Variants in NRXN1 observed in about 807,000 individuals in gnomAD.
NRXN1 encodes the protein neurexin-1.
In NRXN1, 39 loss-of-function variants were observed where a neutral mutation model predicts 150.9. The ratio of observed to expected loss-of-function variants is 0.26; its 90% CI spans 0.20 to 0.34. The LOEUF is 0.34. NRXN1 is among the 10% of genes least tolerant of loss of function. NRXN1 has a pLI of 1.00. For synonymous variants in NRXN1, 924 were observed against 757.0 expected (o/e 1.22, Z -3.62); for missense variants, 1,815 against 1,949.9 (o/e 0.93, Z 1.30).
At chr2:50,910,013 AT>A (rs149644517) in intron 5 of NRXN1, among the ~76,000 whole-genome samples, 33 of 150,078 alleles carry the variant, frequency 2.2e-4, no homozygotes, top group Admixed American at 9.3e-4. Context: ...AGCCTCAGCT[AT>A]TTTTTTTTTC....
chr2:50,974,979 A>G (rs574686036), intron 2 of NRXN1, among the ~76,000 whole-genome samples: 108 of 152,076 alleles, frequency 7.1e-4, no homozygotes, highest in African/African-American at 2.5e-3. Flanking sequence ...TAATTTTATG[A>G]TCCTCTAAAA....
chr2:50,067,183 A>T (rs1188562051), intron 19 of NRXN1, among the ~76,000 whole-genome samples: 1 of 152,218 alleles, frequency 6.6e-6, no homozygotes, highest in Non-Finnish European at 1.5e-5. Context: ...TGCAGAGTTC[A>T]ATGGTGCTTT....
At chr2:50,563,687 G>A (rs941479260) in intron 8 of NRXN1, among the ~76,000 whole-genome samples, 2 of 152,170 alleles carry the variant, frequency 1.3e-5, no homozygotes, top group African/African-American at 2.4e-5. Context: ...TGCCTCCAGA[G>A]CCTGAAATGG....
intron 19 of NRXN1, among the ~76,000 whole-genome samples, chr2:50,080,836 A>G (rs1037716612): frequency 4.6e-5 from 7 of 152,156 alleles, no homozygotes; most frequent in Non-Finnish European, 8.8e-5. Flanking sequence ...GCAGGTTAGT[A>G]AAGGGCAGCC....
At chr2:49,941,990 T>A (rs1439466611) in intron 22 of NRXN1, among the ~76,000 whole-genome samples, 1 of 152,100 alleles carries the variant, frequency 6.6e-6, no homozygotes, top group East Asian at 1.9e-4. Flanking sequence ...AGCAATGACT[T>A]TTTTTGTTGT....
intron 17 of NRXN1, among the ~76,000 whole-genome samples, chr2:50,388,012 T>A (rs2081434868): frequency 6.6e-6 from 1 of 152,174 alleles, no homozygotes. Context: ...TTGAAGGAGC[T>A]AAACACAAGA....
intron 5 of NRXN1, among the ~76,000 whole-genome samples, chr2:50,904,201 G>A (rs1280735158): frequency 6.6e-6 from 1 of 152,060 alleles, no homozygotes; most frequent in Non-Finnish European, 1.5e-5. Context: ...ACAGCAATTT[G>A]ACTGAAATAC....
chr2:50,193,596 G>C (rs2061576786), intron 18 of NRXN1, among the ~76,000 whole-genome samples: 5 of 151,988 alleles, frequency 3.3e-5, no homozygotes. Context: ...TTGTTAAATT[G>C]CCCTGAGTAA....
rs1201123997 is a variant in NRXN1, at chr2:49,919,907, G to T, written c.*2037C>A. 6.6e-6 allele frequency: 1 copy of T among 151,910 alleles called. No homozygotes were observed. The highest frequency in any genetic ancestry group is 1.5e-5 in the Non-Finnish European group (1 of 67,936). 9.4% of individuals were successfully genotyped at this position (151,910 alleles called of 1,614,324 possible). On this transcript the variant is annotated 3_prime_UTR_variant, in exon 23 of 23. Transcript: ENST00000401669. The stretch of plus-strand genomic sequence containing the variant: ...CTTGGCTTTTTTTTCATCAACTAAA[G>T]TATCACAAAAGATGTTTTGCATTTT...
chr2:50,107,770 A>C (rs1701878193), intron 18 of NRXN1, among the ~76,000 whole-genome samples: 1 of 151,862 alleles, frequency 6.6e-6, no homozygotes, highest in South Asian at 2.1e-4. Flanking sequence ...GTTGATAGTA[A>C]TACTAATAAG....
chr2:50,544,791 T>C (rs977029879), intron 9 of NRXN1, among the ~76,000 whole-genome samples: 11 of 152,114 alleles, frequency 7.2e-5, no homozygotes, highest in Admixed American at 2.6e-4. Context: ...ATTTCATGTA[T>C]GAAGGAATTA....
At chr2:50,915,346 C>T (rs1685067372) in intron 5 of NRXN1, among the ~76,000 whole-genome samples, 1 of 151,520 alleles carries the variant, frequency 6.6e-6, no homozygotes, top group South Asian at 2.1e-4. Context: ...AGTTTCATCT[C>T]ATTGGTACCT....
At chr2:50,613,983 T>C (rs1678616056) in intron 8 of NRXN1, among the ~76,000 whole-genome samples, 1 of 152,118 alleles carries the variant, frequency 6.6e-6, no homozygotes. Context: ...TATAATGATA[T>C]GGTAAGTAAA....
intron 5 of NRXN1, among the ~76,000 whole-genome samples, chr2:50,774,456 A>T (rs1703369794): frequency 6.6e-6 from 1 of 152,174 alleles, no homozygotes; most frequent in South Asian, 2.1e-4. Context: ...TGTATATGAC[A>T]CAGTAAAAAT....
chr2:50,638,148 T>G (rs1306783430), intron 5 of NRXN1, among the ~76,000 whole-genome samples: 2 of 152,138 alleles, frequency 1.3e-5, no homozygotes, highest in African/African-American at 4.8e-5. Context: ...CTAGATCAGT[T>G]GACTCAAAAC....
At chr2:50,076,748 A>G (rs1697169616) in intron 19 of NRXN1, among the ~76,000 whole-genome samples, 1 of 152,260 alleles carries the variant, frequency 6.6e-6, no homozygotes, top group Non-Finnish European at 1.5e-5. Flanking sequence ...TAGACTTGGC[A>G]CTCACTTCTC....
In NRXN1 at chr2:50,930,105, A is replaced by G. The variant is rs1365290187; in HGVS notation, c.773-4150T>C. ...ACAGAGGACATCACCTCCTTTTTCA[A>G]TCCCAGCTAAATAATATTGCAGGAC... On this transcript the variant is annotated intron_variant, in intron 2 of 22. Coordinates refer to ENST00000401669, the MANE Select transcript of NRXN1 (RefSeq NM_001330078.2). 2.0e-5 allele frequency among the ~76,000 whole-genome samples: 3 copies of G among 152,070 alleles called. No homozygotes were observed. The East Asian group carries it at 5.8e-4, about 29-fold the overall frequency.
At chr2:49,952,098 T>C (rs2104462707) in intron 21 of NRXN1, among the ~76,000 whole-genome samples, 1 of 152,136 alleles carries the variant, frequency 6.6e-6, no homozygotes, top group South Asian at 2.1e-4. Flanking sequence ...GTTATAATGC[T>C]AGTTAATGGC....
intron 17 of NRXN1, among the ~76,000 whole-genome samples, chr2:50,299,058 G>A (rs2073907739): frequency 6.6e-6 from 1 of 152,090 alleles, no homozygotes; most frequent in Admixed American, 6.6e-5. Context: ...TGACCCCTGA[G>A]GTAGCACTTT....
Sources: gnomAD v4.1 joint callset for allele counts (sites outside exome capture counted in the v4.1 genomes callset) on GRCh38, gnomAD v4.1.1 for gene constraint, MANE v1.5 for transcripts, NCBI Gene and HGNC (gene_info 2026-07-23, HGNC 2026-07-21) for gene names.